The following PTAFR variants were observed in gnomAD, a reference collection of about 807,000 sequenced individuals.
The protein encoded by PTAFR is platelet activating factor receptor.
PTAFR carries 8 observed loss-of-function variants against 14.7 expected under a neutral mutation model. That is an observed-to-expected ratio of 0.54 (90% CI 0.32 to 0.98). The LOEUF is 0.98. Ranked by LOEUF, PTAFR falls within the 50% of genes least tolerant of loss-of-function variation. PTAFR has a pLI of 0.04. For synonymous variants in PTAFR, 156 were observed against 176.5 expected, an observed-to-expected ratio of 0.88 and a Z score of 0.92; for missense variants, 337 against 451.2, an observed-to-expected ratio of 0.75 and a Z score of 2.29.
At chr1:28,190,352 G>A (rs762845246) in intron 1 of PTAFR, among the ~76,000 whole-genome samples, 1 of 152,142 alleles carries the variant, frequency 6.6e-6, no homozygotes, top group Non-Finnish European at 1.5e-5. Context: ...ACAAATTCAG[G>A]ATATGATTAC....
intron 1 of PTAFR, among the ~76,000 whole-genome samples, chr1:28,154,293 C>A (rs531080800): frequency 6.6e-6 from 1 of 152,108 alleles, no homozygotes; most frequent in Non-Finnish European, 1.5e-5. Flanking sequence ...CAAGGTCACA[C>A]GGCTATTAAG....
chr1:28,187,588 C>T (rs1646617280), intron 1 of PTAFR, among the ~76,000 whole-genome samples: 1 of 152,204 alleles, frequency 6.6e-6, no homozygotes, highest in African/African-American at 2.4e-5. Flanking sequence ...TCACTGCAAC[C>T]TCTGTCTCTG....
At chr1:28,162,382 C>G (rs187690605) in intron 1 of PTAFR, among the ~76,000 whole-genome samples, 86 of 152,258 alleles carry the variant, frequency 5.6e-4, no homozygotes, top group Non-Finnish European at 1.1e-3. Context: ...TTGCCTACTC[C>G]CCAGACAGAG....
intron 1 of PTAFR, among the ~76,000 whole-genome samples, chr1:28,187,707 T>C (rs1646618184): frequency 6.6e-6 from 1 of 152,128 alleles, no homozygotes; most frequent in Non-Finnish European, 1.5e-5. Context: ...GTTCTCAAAC[T>C]CCTGGCCTCA....
At chr1:28,188,477 T>C (rs1646624137) in intron 1 of PTAFR, among the ~76,000 whole-genome samples, 1 of 151,512 alleles carries the variant, frequency 6.6e-6, no homozygotes, top group Non-Finnish European at 1.5e-5. Context: ...CAGTGGCTCA[T>C]GCCTGTATCC....
chr1:28,193,614 C>T (rs540894439), intron 1 of PTAFR: 15 of 153,328 alleles, frequency 9.8e-5, no homozygotes, highest in African/African-American at 3.4e-4. Flanking sequence ...TCAGACATCA[C>T]CTAGCTCTGT....
intron 1 of PTAFR, among the ~76,000 whole-genome samples, chr1:28,186,790 T>A (rs1646610323): frequency 6.6e-6 from 1 of 151,908 alleles, no homozygotes; most frequent in Non-Finnish European, 1.5e-5. Flanking sequence ...CCCGGGGTGG[T>A]GGCACACGCC....
intron 1 of PTAFR, among the ~76,000 whole-genome samples, chr1:28,175,307 G>A (rs903013031): frequency 6.6e-6 from 1 of 152,024 alleles, no homozygotes; most frequent in Admixed American, 6.6e-5. Context: ...AGCTGAGATC[G>A]AAACCCCGGA....
At chr1:28,172,813 C>T (rs1646466180) in intron 1 of PTAFR, among the ~76,000 whole-genome samples, 1 of 152,104 alleles carries the variant, frequency 6.6e-6, no homozygotes, top group Admixed American at 6.6e-5. Flanking sequence ...GAGCCTCATT[C>T]CAGCTCTGAG....
intron 1 of PTAFR, among the ~76,000 whole-genome samples, chr1:28,173,963 T>C (rs568312847): frequency 1.3e-5 from 2 of 152,262 alleles, no homozygotes; most frequent in South Asian, 4.1e-4. Flanking sequence ...AGGGGAGCTG[T>C]CTGGCTGGAG....
At chr1:28,181,573 G>A (rs911676118), upstream of PTAFR, among the ~76,000 whole-genome samples, 61 of 151,884 alleles carry the variant, frequency 4.0e-4, no homozygotes, top group African/African-American at 1.4e-3. Context: ...GAGAAACCCC[G>A]TCTCTATTAA....
In PTAFR at chr1:28,150,536, G is replaced by A. The variant is rs1197892498; in HGVS notation, c.486C>T (p.Pro162=). The change falls in exon 2 of 2, where the codon CCC becomes CCT. Residue 162 remains proline, a synonymous_variant. Transcript: ENST00000373857. The surrounding 1 kb of genome is among the most constrained non-coding windows in gnomAD (Gnocchi z 6.3). ...TGACGTTGCCTGAGCCAGCACTGTC[G>A]GGCACTGTGTTGGTGGAGTCCAGGA... ...FLILDSTNTV[P]DSAGSGNVTR... is the part of the protein sequence containing the mutation. 8.7e-6 allele frequency: 14 copies of A among 1,614,048 alleles called. No homozygotes were observed. Among genetic ancestry groups the A allele is most frequent in the Admixed American group, 1.7e-5 (1 of 59,998 alleles).
At chr1:28,162,151 G>A (rs1572034999) in intron 1 of PTAFR, among the ~76,000 whole-genome samples, 1 of 152,290 alleles carries the variant, frequency 6.6e-6, no homozygotes, top group South Asian at 2.1e-4. Context: ...AAGCAGGCAA[G>A]TAACATGATC....
intron 1 of PTAFR, among the ~76,000 whole-genome samples, chr1:28,189,989 A>G (rs1646639101): frequency 6.7e-6 from 1 of 148,940 alleles, no homozygotes; most frequent in African/African-American, 2.5e-5. Flanking sequence ...TTTTTTTGAG[A>G]TGGAGTTTTG....
chr1:28,172,397 T>C (rs953357750), intron 1 of PTAFR, among the ~76,000 whole-genome samples: 3 of 152,078 alleles, frequency 2.0e-5, no homozygotes, highest in African/African-American at 4.8e-5. Flanking sequence ...TCGTGGCCAG[T>C]CCAGGACCCC....
At chr1:28,185,596 A>G (rs1646599654) in intron 1 of PTAFR, among the ~76,000 whole-genome samples, 1 of 152,228 alleles carries the variant, frequency 6.6e-6, no homozygotes, top group Admixed American at 6.5e-5. Flanking sequence ...TGAACTTGAA[A>G]AAGCCAAATT....
At chr1:28,168,080 TCCCGAGTAGCTGGGACTA>T (rs1646409447) in intron 1 of PTAFR, among the ~76,000 whole-genome samples, 1 of 145,622 alleles carries the variant, frequency 6.9e-6, no homozygotes, top group African/African-American at 2.5e-5. Context: ...CGCCTCAGTC[TCCCGAGTAGCTGGGACTA>T]CAGGTGCCCG....
At chr1:28,192,266 G>C (rs1340413694) in intron 1 of PTAFR, among the ~76,000 whole-genome samples, 1 of 151,936 alleles carries the variant, frequency 6.6e-6, no homozygotes, top group Non-Finnish European at 1.5e-5. Context: ...AACTGCATAA[G>C]ATAATACTTG....
intron 1 of PTAFR, among the ~76,000 whole-genome samples, chr1:28,174,851 A>G (rs1257459385): frequency 6.6e-6 from 1 of 152,170 alleles, no homozygotes; most frequent in Non-Finnish European, 1.5e-5. Flanking sequence ...GCATTTTCCA[A>G]TTGACAAAGC....
Sources: gnomAD v4.1 joint callset for allele counts (sites outside exome capture counted in the v4.1 genomes callset) on GRCh38, gnomAD v4.1.1 for gene constraint, Gnocchi (gnomAD v3.1) non-coding constraint, MANE v1.5 for transcripts, NCBI Gene and HGNC (gene_info 2026-07-23, HGNC 2026-07-21) for gene names.